The following CRTC1 variants were observed in gnomAD, a reference collection of about 807,000 sequenced individuals.
The protein encoded by CRTC1 is CREB regulated transcription coactivator 1.
A neutral mutation model predicts 66.1 loss-of-function variants in CRTC1; 18 were observed. That is an observed-to-expected ratio of 0.27 (90% confidence interval 0.19 to 0.40). CRTC1 has a LOEUF of 0.40. Ranked by LOEUF, CRTC1 falls within the 10% of genes least tolerant of loss-of-function variation. CRTC1 has a pLI of 1.00. For missense variants in CRTC1, 669 were observed against 887.9 expected (o/e 0.75, Z 3.13); for synonymous variants, 416 against 398.8 (o/e 1.04, Z -0.51).
intron 1 of CRTC1, among the ~76,000 whole-genome samples, chr19:18,734,961 CG>C (rs2053966630): frequency 6.6e-6 from 1 of 152,206 alleles, no homozygotes; most frequent in African/African-American, 2.4e-5. Flanking sequence ...GAGAATGAAT[CG>C]GTCAGGGGAT....
At chr19:18,774,231 G>A (rs146921810) in intron 11 of CRTC1, among the ~76,000 whole-genome samples, 26 of 152,258 alleles carry the variant, frequency 1.7e-4, no homozygotes, top group African/African-American at 6.0e-4. Flanking sequence ...GGCTCCGAGT[G>A]TCTCCTTTCT....
chr19:18,708,965 G>T (rs561696302), intron 1 of CRTC1, among the ~76,000 whole-genome samples: 1 of 152,316 alleles, frequency 6.6e-6, no homozygotes, highest in East Asian at 1.9e-4. Flanking sequence ...CCTCCGTGGG[G>T]TGCTGTCTCT....
At position 18,777,117 on chromosome 19, in the gene CRTC1, C is replaced by G; in HGVS notation, c.1694-54C>G. 1 of 1,008,966 alleles carries G rather than the reference C, an allele frequency of 9.9e-7. No homozygotes were observed. Among genetic ancestry groups the G allele is most frequent in the Non-Finnish European group, 1.5e-6 (1 of 649,170 alleles). 62.5% of individuals were successfully genotyped at this position (1,008,966 alleles called of 1,614,324 possible). A position where few individuals can be genotyped will look rare whatever the true frequency, so the allele number is the denominator to read the frequency against. On this transcript the variant is annotated intron_variant, in intron 13 of 13. Transcript: ENST00000321949. The surrounding 1 kb of genome is among the most constrained non-coding windows in gnomAD (Gnocchi z 5.5). ...GCATGCCTGGTCCGACACATGGATGCGAGCGATGGAGCCAGGGCTAAGCAG... is the reference window on the plus strand; with the variant it reads ...GCATGCCTGGTCCGACACATGGATGGGAGCGATGGAGCCAGGGCTAAGCAG...
In CRTC1 at chr19:18,777,083, G is replaced by T. The variant is rs576260765; in HGVS notation, c.1694-88G>T. 2.6e-6 allele frequency: 2 copies of T among 755,476 alleles called. No individual in the cohort carries two copies. The highest frequency in any genetic ancestry group is 4.6e-6 in the Non-Finnish European group (2 of 435,996). 46.8% of individuals were successfully genotyped at this position (755,476 alleles called of 1,614,324 possible). A position where few individuals can be genotyped will look rare whatever the true frequency, so the allele number is the denominator to read the frequency against. On this transcript the variant is annotated intron_variant, in intron 13 of 13. Transcript: ENST00000321949. This position sits in a 1 kb window ranked among gnomAD's most constrained non-coding sequence, Gnocchi z 5.5. Reference sequence around the variant, plus strand: ...GCCAGCATACCCAGGGGACAGAGTCGCCCGGCGGGCATGCCTGGTCCGACA... The same window carrying T: ...GCCAGCATACCCAGGGGACAGAGTCTCCCGGCGGGCATGCCTGGTCCGACA...
intron 1 of CRTC1, among the ~76,000 whole-genome samples, chr19:18,687,416 C>G (rs940440259): frequency 5.3e-5 from 8 of 152,142 alleles, no homozygotes; most frequent in Admixed American, 3.9e-4. Flanking sequence ...TCCTTTGCTC[C>G]CACCTATATG....
intron 1 of CRTC1, among the ~76,000 whole-genome samples, chr19:18,691,021 G>A (rs1219293940): frequency 3.7e-5 from 5 of 136,008 alleles, no homozygotes; most frequent in Admixed American, 3.1e-4. Flanking sequence ...GCGAGACTCC[G>A]TCTCAAAAAA....
chr19:18,729,343 G>A (rs1407839270), intron 1 of CRTC1, among the ~76,000 whole-genome samples: 4 of 150,786 alleles, frequency 2.7e-5, no homozygotes, highest in East Asian at 2.0e-4. Flanking sequence ...GGAGAATGGC[G>A]TGAACCCGAG....
chr19:18,724,381 C>T (rs1190267978), intron 1 of CRTC1, among the ~76,000 whole-genome samples: 1 of 152,058 alleles, frequency 6.6e-6, no homozygotes, highest in Non-Finnish European at 1.5e-5. Context: ...TGTTCAGGTT[C>T]TCAGCCCTGC....
rs2054600442 is a variant in CRTC1 at position 18,760,951 on chromosome 19, G to A, written c.886+723G>A. On this transcript the variant is annotated intron_variant, in intron 8 of 13. Transcript: ENST00000321949. This position sits in a 1 kb window ranked among gnomAD's most constrained non-coding sequence, Gnocchi z 6.2. ...CCCTCCCCACCTAGAACAGCCACCA[G>A]CCATGGCTTCCTCCACTTGGGACCT... 6.8e-6 allele frequency among the ~76,000 whole-genome samples: 1 copy of A among 146,086 alleles called. No individual in the cohort carries two copies. The highest frequency in any genetic ancestry group is 1.5e-5 in the Non-Finnish European group (1 of 66,662).
At position 18,774,994 on chromosome 19, in the gene CRTC1, G is replaced by A. The variant is rs757722492; in HGVS notation, c.1512+8G>A. On this transcript the variant is annotated splice_region_variant and intron_variant, in intron 12 of 13. Coordinates refer to ENST00000321949, the MANE Select transcript of CRTC1 (RefSeq NM_015321.3). ...AATGCTCTGTCCCACCAGGTGAGCGGGCGCCCAGGCTGCCAGCCGGCCGGT... is the reference window on the plus strand; with the variant it reads ...AATGCTCTGTCCCACCAGGTGAGCGAGCGCCCAGGCTGCCAGCCGGCCGGT... The A allele has an allele frequency of 2.5e-6, 4 of 1,602,188 alleles. No individual in the cohort carries two copies. Among genetic ancestry groups the A allele is most frequent in the Non-Finnish European group, 3.4e-6 (4 of 1,179,706 alleles).
intron 1 of CRTC1, among the ~76,000 whole-genome samples, chr19:18,711,310 G>C (rs2053385800): frequency 6.6e-6 from 1 of 151,982 alleles, no homozygotes; most frequent in Non-Finnish European, 1.5e-5. Context: ...AGTGGGACGC[G>C]TTGGCCTTGG....
intron 1 of CRTC1, among the ~76,000 whole-genome samples, chr19:18,713,555 A>T (rs79985705): frequency 1.3e-5 from 2 of 152,112 alleles, no homozygotes; most frequent in Admixed American, 6.5e-5. Flanking sequence ...CTGCACCCTT[A>T]GGCGTCCTCC....
In CRTC1 at chr19:18,778,243, GTTAAT is replaced by G. The variant is rs2055038747; in HGVS notation, c.*866_*870del. 4.3e-6 allele frequency: 1 copy of G among 232,818 alleles called. No homozygotes were observed. The highest frequency in any genetic ancestry group is 2.2e-5 in the African/African-American group (1 of 45,338). The allele number at this position is 232,818 out of a possible 1,614,324, so 14.4% of individuals were successfully genotyped here. ...GGTCACCGGTCCTGTCATAGATGCT[GTTAAT>G]TTAAGGTACAGGCAGAGGTGGCCAG... is the stretch of plus-strand genomic sequence containing the variant. On this transcript the variant is annotated 3_prime_UTR_variant, in exon 14 of 14. Coordinates refer to ENST00000321949, the MANE Select transcript of CRTC1 (RefSeq NM_015321.3).
rs991235577 is a variant in CRTC1, at chr19:18,771,083, T to C, written c.1321-359T>C. ...ATTCTAGTGTGGATATGTGTACACG[T>C]GGGTATGTCTGTGTGGGTGTGCATG... On this transcript the variant is annotated intron_variant, in intron 10 of 13. Transcript: ENST00000321949. This position sits in a 1 kb window ranked among gnomAD's most constrained non-coding sequence, Gnocchi z 4.6. Among the ~76,000 whole-genome samples the C allele has an allele frequency of 6.6e-6, 1 of 151,960 alleles. No homozygotes were observed. The highest frequency in any genetic ancestry group is 2.4e-5 in the African/African-American group (1 of 41,340).
chr19:18,771,907 AC>A lies in CRTC1; in HGVS notation c.1425+368del, dbSNP rs924714153. Among the ~76,000 whole-genome samples the A allele has an allele frequency of 2.0e-5, 3 of 150,424 alleles. No homozygotes were observed. The highest frequency in any genetic ancestry group is 2.0e-4 in the Admixed American group (3 of 15,108). Reference sequence around the variant, plus strand: ...CAGAGCATGAGCTGGAGCTTTAGGGACCCCCCCGACTTGGGGGTGCAGCTGA... The same window carrying A: ...CAGAGCATGAGCTGGAGCTTTAGGGACCCCCCGACTTGGGGGTGCAGCTGA... On this transcript the variant is annotated intron_variant, in intron 11 of 13. Transcript: ENST00000321949. The surrounding 1 kb of genome is among the most constrained non-coding windows in gnomAD (Gnocchi z 4.6).
chr19:18,775,966 C>T lies in CRTC1; in HGVS notation c.1693+145C>T, dbSNP rs918826023. The T allele has an allele frequency of 1.2e-5, 10 of 844,278 alleles. No individual in the cohort carries two copies. In the Admixed American group the frequency reaches 1.9e-4, roughly 16 times the overall value. 52.3% of individuals were successfully genotyped at this position (844,278 alleles called of 1,614,324 possible). Reference sequence around the variant, plus strand: ...TTGATGGGGGCCTGAGGAGGCCACACCCCCTCTCCCCTGAATTTGACTCAC... The same window carrying T: ...TTGATGGGGGCCTGAGGAGGCCACATCCCCTCTCCCCTGAATTTGACTCAC... On this transcript the variant is annotated intron_variant, in intron 13 of 13. Transcript: ENST00000321949.
At chr19:18,723,254 A>T (rs1340814196) in intron 1 of CRTC1, among the ~76,000 whole-genome samples, 2 of 152,120 alleles carry the variant, frequency 1.3e-5, no homozygotes, top group African/African-American at 4.8e-5. Context: ...CTACAATCAT[A>T]TTTTGTTGTA....
At chr19:18,730,105 G>A (rs995243709) in intron 1 of CRTC1, among the ~76,000 whole-genome samples, 4 of 152,176 alleles carry the variant, frequency 2.6e-5, no homozygotes, top group South Asian at 2.1e-4. Context: ...GTCCAAGGCC[G>A]GCCGTGGCTT....
At chr19:18,759,664 C>T in intron 7 of CRTC1, 73 bp downstream of exon 7, 1 of 1,533,476 alleles carries the variant, frequency 6.5e-7, no homozygotes, top group Non-Finnish European at 8.9e-7. Flanking sequence ...GCATTCTGTC[C>T]ACTCTCTTGA....
Sources: allele counts gnomAD v4.1 joint callset (sites outside exome capture counted in the v4.1 genomes callset), GRCh38; gene constraint gnomAD v4.1.1; non-coding constraint Gnocchi (gnomAD v3.1); transcripts MANE v1.5; gene names NCBI Gene and HGNC (gene_info 2026-07-23, HGNC 2026-07-21).